Variants in CCDC73 observed in about 807,000 individuals in gnomAD.
CCDC73 encodes the protein coiled-coil domain-containing protein 73.
CCDC73 carries 95 observed loss-of-function variants against 116.5 expected under a neutral mutation model. The ratio of observed to expected loss-of-function variants is 0.82; its 90% CI spans 0.69 to 0.97. The LOEUF (loss-of-function observed/expected upper bound fraction) is 0.97. Ranked by LOEUF, CCDC73 falls within the 50% of genes least tolerant of loss-of-function variation. The pLI is 0.00. For synonymous variants in CCDC73, 398 were observed against 401.3 expected (o/e 0.99, Z 0.10); for missense variants, 1,066 against 1,206.8 (o/e 0.88, Z 1.73).
chr11:32,806,885 C>T, the CCDC73 span, among the ~76,000 whole-genome samples: 7 of 152,224 alleles, frequency 4.6e-5, no homozygotes, highest in East Asian at 1.9e-4. Flanking sequence ...TAACCTGCCG[C>T]GGTTTGCCAC....
At chr11:32,663,245 G>A (rs1855947829) in intron 9 of CCDC73, among the ~76,000 whole-genome samples, 1 of 152,130 alleles carries the variant, frequency 6.6e-6, no homozygotes, top group Admixed American at 6.6e-5. Context: ...TGATGGGGAT[G>A]GCATTGAATC....
In CCDC73 at chr11:32,653,890, A is replaced by G. The variant is rs1855848552; in HGVS notation, c.834+88T>C. On this transcript the variant is annotated intron_variant, in intron 11 of 17. Coordinates refer to ENST00000335185, the MANE Select transcript of CCDC73 (RefSeq NM_001008391.4). Reference sequence around the variant, plus strand: ...AATACACATTAACTGAGTGCCTACTATGTGCTATGCATGATTCCACTTATT... The same window carrying G: ...AATACACATTAACTGAGTGCCTACTGTGTGCTATGCATGATTCCACTTATT... 3 of 1,418,474 alleles carry G rather than the reference A, an allele frequency of 2.1e-6. No homozygotes were observed. The South Asian group carries it at 4.2e-5, about 20-fold the overall frequency. 87.9% of individuals were successfully genotyped at this position (1,418,474 alleles called of 1,614,324 possible).
chr11:32,764,459 C>T (rs1196878483), intron 1 of CCDC73, among the ~76,000 whole-genome samples: 1 of 152,196 alleles, frequency 6.6e-6, no homozygotes, highest in Non-Finnish European at 1.5e-5. Flanking sequence ...GGCCAATATT[C>T]AACATTCTTA....
In CCDC73 at chr11:32,696,814, T is replaced by C. The variant is rs16923539; in HGVS notation, c.390+2437A>G. Reference sequence around the variant, plus strand: ...CTTTCTCATACAGTTATGTTTTCCCTAGAGTTTCTGATCACTACTTTTTTG... The same window carrying C: ...CTTTCTCATACAGTTATGTTTTCCCCAGAGTTTCTGATCACTACTTTTTTG... On this transcript the variant is annotated intron_variant, in intron 6 of 17. Transcript: ENST00000335185. 2.6e-3 allele frequency among the ~76,000 whole-genome samples: 399 copies of C among 152,152 alleles called. 5 individuals are homozygous for C. In the East Asian group the frequency reaches 0.038, roughly 15 times the overall value.
chr11:32,754,127 T>C (rs569208094), intron 2 of CCDC73, among the ~76,000 whole-genome samples: 30 of 152,348 alleles, frequency 2.0e-4, no homozygotes, highest in Middle Eastern at 3.4e-3. Flanking sequence ...TGTTATTGGC[T>C]ATTCTCATGC....
At chr11:32,629,945 A>AC (rs1855616373) in intron 14 of CCDC73, among the ~76,000 whole-genome samples, 1 of 149,414 alleles carries the variant, frequency 6.7e-6, no homozygotes, top group African/African-American at 2.5e-5. Context: ...CAAAAAAAAA[A>AC]CGTTAAAAGG....
intron 14 of CCDC73, among the ~76,000 whole-genome samples, chr11:32,629,685 G>A (rs1207143433): frequency 1.3e-5 from 2 of 149,374 alleles, no homozygotes; most frequent in East Asian, 2.0e-4. Context: ...GTAAGCCTCC[G>A]TGCCCAGCCG....
chr11:32,785,310 A>G (rs1565101252), intron 1 of CCDC73, among the ~76,000 whole-genome samples: 1 of 152,208 alleles, frequency 6.6e-6, no homozygotes, highest in Non-Finnish European at 1.5e-5. Flanking sequence ...TGTGAAATGT[A>G]TTTCTTACAG....
intron 2 of CCDC73, among the ~76,000 whole-genome samples, chr11:32,755,571 A>G (rs1247546449): frequency 1.1e-4 from 12 of 113,454 alleles, no homozygotes; most frequent in East Asian, 4.7e-4. Flanking sequence ...ATGTACATAT[A>G]TATCCATATA....
At chr11:32,744,999 G>T (rs1850221990) in intron 2 of CCDC73, among the ~76,000 whole-genome samples, 1 of 151,828 alleles carries the variant, frequency 6.6e-6, no homozygotes, top group Non-Finnish European at 1.5e-5. Flanking sequence ...GTGATGTTAG[G>T]GTGTCAATTT....
chr11:32,625,622 G>A (rs1057200800), intron 14 of CCDC73, among the ~76,000 whole-genome samples: 30 of 152,134 alleles, frequency 2.0e-4, no homozygotes, highest in African/African-American at 7.0e-4. Flanking sequence ...CTCTCTTCTG[G>A]CTTGTAGAGT....
chr11:32,622,978 G>A (rs1855536611), intron 14 of CCDC73, among the ~76,000 whole-genome samples: 1 of 151,746 alleles, frequency 6.6e-6, no homozygotes, highest in South Asian at 2.1e-4. Context: ...TGGATGTAAT[G>A]TCCATTTTAT....
At chr11:32,648,542 A>G (rs1855798990) in intron 12 of CCDC73, among the ~76,000 whole-genome samples, 1 of 151,986 alleles carries the variant, frequency 6.6e-6, no homozygotes, top group Non-Finnish European at 1.5e-5. Context: ...CTGTCCTTAA[A>G]GAGTTTATAC....
At chr11:32,648,383 A>C (rs149849447) in intron 12 of CCDC73, among the ~76,000 whole-genome samples, 1,532 of 152,288 alleles carry the variant, frequency 0.01, 28 homozygotes, top group African/African-American at 0.035. Context: ...AAACATGCTT[A>C]ACTAGAAGTC....
At chr11:32,672,356 A>G (rs1265001498) in intron 9 of CCDC73, among the ~76,000 whole-genome samples, 1 of 152,184 alleles carries the variant, frequency 6.6e-6, no homozygotes, top group Admixed American at 6.5e-5. Context: ...AAAAAGAAAT[A>G]TAATAGTCTA....
At chr11:32,780,332 G>A (rs1036404414) in intron 1 of CCDC73, among the ~76,000 whole-genome samples, 3 of 151,512 alleles carry the variant, frequency 2.0e-5, no homozygotes, top group Admixed American at 6.6e-5. Flanking sequence ...AAAATTAGCC[G>A]AAGTTTTTTA....
At chr11:32,623,366 A>G (rs1452576906) in intron 14 of CCDC73, among the ~76,000 whole-genome samples, 1 of 150,286 alleles carries the variant, frequency 6.7e-6, no homozygotes, top group Admixed American at 6.6e-5. Context: ...TTGTTTGTTT[A>G]TTTGTTTTGT....
intron 6 of CCDC73, among the ~76,000 whole-genome samples, chr11:32,695,920 G>A (rs1856307450): frequency 6.6e-6 from 1 of 151,118 alleles, no homozygotes; most frequent in Non-Finnish European, 1.5e-5. Context: ...GTTTTTACAT[G>A]AGCTACAATG....
intron 9 of CCDC73, among the ~76,000 whole-genome samples, chr11:32,660,228 C>T (rs1855909380): frequency 1.7e-5 from 1 of 58,750 alleles, no homozygotes; most frequent in Non-Finnish European, 3.1e-5. Context: ...GTTCTCTCTA[C>T]CAAAAAAAAA....
Sources: allele counts gnomAD v4.1 joint callset (sites outside exome capture counted in the v4.1 genomes callset), GRCh38; gene constraint gnomAD v4.1.1; transcripts MANE v1.5; gene names NCBI Gene and HGNC (gene_info 2026-07-23, HGNC 2026-07-21).